Variants in XXYLT1 observed in about 807,000 individuals in gnomAD.
The protein encoded by XXYLT1 is xyloside xylosyltransferase 1.
Under a neutral mutation model 28.9 loss-of-function variants are expected in XXYLT1, and 20 were observed. That is an observed-to-expected ratio of 0.69 (90% CI 0.49 to 1.00). XXYLT1 has a LOEUF of 1.00. Among genes scored for constraint, XXYLT1 ranks in the 50% least tolerant of loss-of-function variants. The pLI is 0.00. For synonymous variants in XXYLT1, 257 were observed against 253.8 expected (o/e 1.01, Z -0.12); for missense variants, 542 against 560.1 (o/e 0.97, Z 0.33).
intron 2 of XXYLT1, among the ~76,000 whole-genome samples, chr3:195,158,105 G>C (rs905055649): frequency 6.6e-6 from 1 of 152,198 alleles, no homozygotes; most frequent in African/African-American, 2.4e-5. Flanking sequence ...GGGAGGAAGG[G>C]CCGTGCATTT....
At chr3:195,232,385 T>C (rs573547339) in intron 1 of XXYLT1, among the ~76,000 whole-genome samples, 1 of 152,290 alleles carries the variant, frequency 6.6e-6, no homozygotes, top group Admixed American at 6.5e-5. Flanking sequence ...CAATTTCATG[T>C]ATTTCTGCTC....
chr3:195,243,597 G>T (rs1313489070), intron 1 of XXYLT1, among the ~76,000 whole-genome samples: 1 of 152,180 alleles, frequency 6.6e-6, no homozygotes, highest in African/African-American at 2.4e-5. Flanking sequence ...AGAGCCACAG[G>T]TCTATTGATC....
chr3:195,206,021 A>ATTTT (rs777561871), intron 2 of XXYLT1, among the ~76,000 whole-genome samples: 6 of 125,416 alleles, frequency 4.8e-5, no homozygotes, highest in South Asian at 2.5e-4. Context: ...TTAAAGTTTA[A>ATTTT]TTTTTTTTTT....
At chr3:195,183,809 C>A (rs1055022624) in intron 2 of XXYLT1, among the ~76,000 whole-genome samples, 1 of 152,168 alleles carries the variant, frequency 6.6e-6, no homozygotes, top group Non-Finnish European at 1.5e-5. Flanking sequence ...CCAACTAGGA[C>A]TCTACCCCTC....
At chr3:195,216,210 G>A (rs1354612409) in intron 2 of XXYLT1, among the ~76,000 whole-genome samples, 2 of 151,826 alleles carry the variant, frequency 1.3e-5, no homozygotes, top group Non-Finnish European at 2.9e-5. Context: ...GAGAAAGCAG[G>A]AAAGATCCAA....
intron 2 of XXYLT1, chr3:195,214,648 G>A (rs966627968): frequency 1.3e-5 from 2 of 152,156 alleles, no homozygotes; most frequent in Non-Finnish European, 2.9e-5. Flanking sequence ...TGGAGCAGGG[G>A]CAGAGAACAG....
At chr3:195,189,944 C>T (rs1036070601) in intron 2 of XXYLT1, among the ~76,000 whole-genome samples, 1 of 152,076 alleles carries the variant, frequency 6.6e-6, no homozygotes, top group African/African-American at 2.4e-5. Flanking sequence ...AGAAAAAAGT[C>T]TTGAAAGCAG....
At chr3:195,250,698 A>G (rs963079507) in intron 1 of XXYLT1, among the ~76,000 whole-genome samples, 14 of 152,194 alleles carry the variant, frequency 9.2e-5, no homozygotes, top group African/African-American at 3.4e-4. Flanking sequence ...CAAAGAAATG[A>G]AACCTAACCT....
At chr3:195,142,227 C>T (rs1254696667) in intron 3 of XXYLT1, among the ~76,000 whole-genome samples, 4 of 152,180 alleles carry the variant, frequency 2.6e-5, no homozygotes, top group Non-Finnish European at 1.5e-5. Flanking sequence ...GTCCTAGTGC[C>T]CCCTCCCCAA....
Position 195,167,791 on chromosome 3 carries a change from T to C in XXYLT1, c.653-11210A>G, listed in dbSNP as rs1286169922. ...CTTCTAGTATTCCCCAAAATGCAAA[T>C]ACCAGAAGGCTCCGTGGTGCCTGAG... is the stretch of plus-strand genomic sequence containing the variant. On this transcript the variant is annotated intron_variant, in intron 2 of 3. Transcript: ENST00000310380. 2.0e-5 allele frequency among the ~76,000 whole-genome samples: 3 copies of C among 152,074 alleles called. No individual in the cohort carries two copies. The East Asian group carries it at 5.8e-4, about 29-fold the overall frequency.
At chr3:195,123,501 T>C (rs1027098160) in intron 3 of XXYLT1, among the ~76,000 whole-genome samples, 1 of 152,170 alleles carries the variant, frequency 6.6e-6, no homozygotes, top group Non-Finnish European at 1.5e-5. Context: ...AAGGCCTCCC[T>C]GGAATATCTC....
intron 3 of XXYLT1, among the ~76,000 whole-genome samples, chr3:195,119,049 G>A (rs574892624): frequency 1.6e-4 from 24 of 152,200 alleles, no homozygotes; most frequent in Non-Finnish European, 2.4e-4. Context: ...AAGCCAGGGC[G>A]GGTGGATCAC....
In XXYLT1 at chr3:195,081,078, C is replaced by T. The variant is rs544578666; in HGVS notation, c.786-10967G>A. 6.6e-5 allele frequency among the ~76,000 whole-genome samples: 10 copies of T among 152,310 alleles called. No homozygotes were observed. The South Asian group carries it at 1.7e-3, about 25-fold the overall frequency. On this transcript the variant is annotated intron_variant, in intron 3 of 3. Coordinates refer to ENST00000310380, the MANE Select transcript of XXYLT1 (RefSeq NM_152531.5). ...AGTGTGATGGGCCAGGCCCAGGCCCCGCCTGCAGGAGCCTGTCATGCTGAG... is the reference window on the plus strand; with the variant it reads ...AGTGTGATGGGCCAGGCCCAGGCCCTGCCTGCAGGAGCCTGTCATGCTGAG...
chr3:195,080,627 A>G (rs762035593), intron 3 of XXYLT1, among the ~76,000 whole-genome samples: 3 of 152,204 alleles, frequency 2.0e-5, no homozygotes, highest in Non-Finnish European at 4.4e-5. Flanking sequence ...ACTGTCCCCG[A>G]CAGCCTCATG....
intron 3 of XXYLT1, among the ~76,000 whole-genome samples, chr3:195,107,994 C>T (rs1213907102): frequency 6.6e-6 from 1 of 152,176 alleles, no homozygotes. Context: ...TGATGCCATT[C>T]GGCTCTCATG....
Position 195,069,677 on chromosome 3 carries a change from C to A in XXYLT1, c.*38G>T. The A allele has an allele frequency of 6.3e-7, 1 of 1,576,654 alleles. No homozygotes were observed. Among genetic ancestry groups the A allele is most frequent in the South Asian group, 1.2e-5 (1 of 85,314 alleles). ...GTCCCAAGGAACCCTGTCCTTCCCCCAGATCTGGAGGCCCCGGGGGCAAGG... is the reference window on the plus strand; with the variant it reads ...GTCCCAAGGAACCCTGTCCTTCCCCAAGATCTGGAGGCCCCGGGGGCAAGG... On this transcript the variant is annotated 3_prime_UTR_variant, in exon 4 of 4. Coordinates refer to ENST00000310380, the MANE Select transcript of XXYLT1 (RefSeq NM_152531.5).
At position 195,191,441 on chromosome 3, in the gene XXYLT1, TAAG is replaced by T. The variant is rs569535807; in HGVS notation, c.653-34863_653-34861del. On this transcript the variant is annotated intron_variant, in intron 2 of 3. Transcript: ENST00000310380. ...TTCTTTTCTCCAGTTTACTTTATTA[TAAG>T]AATACAGTATATATGTAACATACAG... Among the ~76,000 whole-genome samples the T allele has an allele frequency of 2.9e-3, 449 of 152,364 alleles. 3 individuals are homozygous for T. The highest frequency in any genetic ancestry group is 0.01 in the African/African-American group (427 of 41,590).
At chr3:195,270,472 G>A (rs993805305) in intron 1 of XXYLT1, 83 bp downstream of exon 1, 2 of 1,342,380 alleles carry the variant, frequency 1.5e-6, no homozygotes, top group Non-Finnish European at 9.5e-7. Context: ...CTAGTTCCCC[G>A]GATCCCCTCC....
chr3:195,253,069 A>C (rs1444720170), intron 1 of XXYLT1, among the ~76,000 whole-genome samples: 1 of 152,182 alleles, frequency 6.6e-6, no homozygotes, highest in Non-Finnish European at 1.5e-5. Context: ...TGGAGAAGCA[A>C]GTCACAAAGG....
Sources: gnomAD v4.1 joint callset for allele counts (sites outside exome capture counted in the v4.1 genomes callset) on GRCh38, gnomAD v4.1.1 for gene constraint, MANE v1.5 for transcripts, NCBI Gene and HGNC (gene_info 2026-07-23, HGNC 2026-07-21) for gene names.